NHSL1: variants seen among roughly 807,000 people sequenced by gnomAD.
NHSL1 encodes NHS-like protein 1.
NHSL1 carries 48 observed loss-of-function variants against 95.0 expected under a neutral mutation model. That is an observed-to-expected ratio of 0.51 (90% confidence interval 0.40 to 0.64). NHSL1 has a LOEUF of 0.64. Ranked by LOEUF, NHSL1 falls within the 30% of genes least tolerant of loss-of-function variation. The pLI is 0.00. For synonymous variants in NHSL1, 783 were observed against 833.9 expected, an observed-to-expected ratio of 0.94 and a Z score of 1.05; for missense variants, 1,971 against 2,077.7, an observed-to-expected ratio of 0.95 and a Z score of 1.00.
chr6:138,578,779 A>G lies in NHSL1; in HGVS notation c.97-82408T>C, dbSNP rs553917658. Among the ~76,000 whole-genome samples, 4 of 152,198 alleles carry G rather than the reference A, an allele frequency of 2.6e-5. No individual in the cohort carries two copies. In the South Asian group the frequency reaches 8.3e-4, roughly 32 times the overall value. ...GCAGAGTGTGATTCAGGTCTGGGGA[A>G]GGGACTGCAATTCTGAACTCCTAGA... is the stretch of plus-strand genomic sequence containing the variant. On this transcript the variant is annotated intron_variant, in intron 1 of 3. Transcript: ENST00000491526.
intron 1 of NHSL1, among the ~76,000 whole-genome samples, chr6:138,560,688 C>T (rs755111811): frequency 7.9e-5 from 12 of 152,184 alleles, no homozygotes; most frequent in African/African-American, 1.2e-4. Context: ...CACAACCACC[C>T]ACAAGGTAAA....
At position 138,457,712 on chromosome 6, in the gene NHSL1, C is replaced by T. The variant is rs1583212369; in HGVS notation, c.340-10519G>A. Among the ~76,000 whole-genome samples, 5 of 152,218 alleles carry T rather than the reference C, an allele frequency of 3.3e-5. No homozygotes were observed. The East Asian group carries it at 9.6e-4, about 29-fold the overall frequency. On this transcript the variant is annotated intron_variant, in intron 3 of 7. Transcript: ENST00000343505. ...ATACAAAATAAAAGGTTTTCCAGAT[C>T]GAATTTCCCTTCCAAATTGACTCCT...
intron 1 of NHSL1, among the ~76,000 whole-genome samples, chr6:138,623,731 GT>G (rs139263521): frequency 0.022 from 3,277 of 152,240 alleles, 36 homozygotes; most frequent in Middle Eastern, 0.065. Context: ...AGGTGATATA[GT>G]TTGGCTGTGT....
At chr6:138,666,623 A>C (rs1187914673) in intron 1 of NHSL1, among the ~76,000 whole-genome samples, 1 of 151,936 alleles carries the variant, frequency 6.6e-6, no homozygotes, top group Non-Finnish European at 1.5e-5. Flanking sequence ...AAGATGTGAC[A>C]AATCTGTATG....
chr6:138,535,867 T>C (rs1782319908), intron 1 of NHSL1, among the ~76,000 whole-genome samples: 1 of 152,194 alleles, frequency 6.6e-6, no homozygotes, highest in Non-Finnish European at 1.5e-5. Flanking sequence ...TTTCATTGTG[T>C]GGTGAGGATC....
chr6:138,525,168 A>C (rs1354431367), intron 1 of NHSL1, among the ~76,000 whole-genome samples: 1 of 152,082 alleles, frequency 6.6e-6, no homozygotes, highest in Non-Finnish European at 1.5e-5. Context: ...GTTGAGCTCT[A>C]AGTTCGATTC....
intron 1 of NHSL1, among the ~76,000 whole-genome samples, chr6:138,677,137 A>C (rs2114776759): frequency 6.6e-6 from 1 of 152,334 alleles, no homozygotes; most frequent in South Asian, 2.1e-4. Flanking sequence ...CTACTCAGTA[A>C]GTTTTGTGCT....
chr6:138,654,236 T>C (rs1259001252), intron 1 of NHSL1, among the ~76,000 whole-genome samples: 1 of 152,196 alleles, frequency 6.6e-6, no homozygotes, highest in Non-Finnish European at 1.5e-5. Flanking sequence ...AAAATGGAAA[T>C]TTAAACAAGA....
chr6:138,685,067 G>A (rs1014957001), intron 1 of NHSL1, among the ~76,000 whole-genome samples: 14 of 151,994 alleles, frequency 9.2e-5, no homozygotes, highest in African/African-American at 3.4e-4. Context: ...TTTTGTTTCT[G>A]AATTTTCTCC....
chr6:138,529,525 G>C (rs1266232990), intron 1 of NHSL1, among the ~76,000 whole-genome samples: 1 of 152,204 alleles, frequency 6.6e-6, no homozygotes, highest in East Asian at 1.9e-4. Context: ...AGTTCTGCAG[G>C]TTAGCAGTCC....
intron 2 of NHSL1, among the ~76,000 whole-genome samples, chr6:138,473,940 T>C (rs958207795): frequency 2.0e-5 from 3 of 152,202 alleles, no homozygotes; most frequent in African/African-American, 7.2e-5. Context: ...TCATTTTATA[T>C]TAATTTTCTC....
chr6:138,527,685 G>T (rs891340950), intron 1 of NHSL1, among the ~76,000 whole-genome samples: 1 of 152,138 alleles, frequency 6.6e-6, no homozygotes, highest in Non-Finnish European at 1.5e-5. Context: ...AGGCTCCAGC[G>T]TGACAAATAC....
chr6:138,542,291 G>C (rs563412189), intron 1 of NHSL1, among the ~76,000 whole-genome samples: 13 of 152,178 alleles, frequency 8.5e-5, no homozygotes, highest in Non-Finnish European at 1.8e-4. Flanking sequence ...AGGGAGCACG[G>C]CCCTGCCAAC....
intron 1 of NHSL1, among the ~76,000 whole-genome samples, chr6:138,611,815 A>G (rs1308421936): frequency 6.6e-6 from 1 of 151,916 alleles, no homozygotes; most frequent in East Asian, 1.9e-4. Context: ...TGCGACACTA[A>G]AAAATATGTT....
At chr6:138,648,435 C>T (rs907111637) in intron 1 of NHSL1, among the ~76,000 whole-genome samples, 1 of 151,902 alleles carries the variant, frequency 6.6e-6, no homozygotes, top group Non-Finnish European at 1.5e-5. Context: ...TTCTGCTCAC[C>T]TCCCCAGCCA....
chr6:138,455,035 C>G (rs1370407298), intron 3 of NHSL1, among the ~76,000 whole-genome samples: 1 of 152,180 alleles, frequency 6.6e-6, no homozygotes, highest in Non-Finnish European at 1.5e-5. Flanking sequence ...TGGAATGGGT[C>G]ATTGGAGACA....
At chr6:138,536,854 C>CT (rs1308358696) in intron 1 of NHSL1, among the ~76,000 whole-genome samples, 1 of 152,054 alleles carries the variant, frequency 6.6e-6, no homozygotes, top group East Asian at 1.9e-4. Context: ...AATTTACTGA[C>CT]TGACAATTCA....
rs1006089678 is a variant in NHSL1 at position 138,496,142 on chromosome 6, T to C, written c.211+77A>G. The C allele has an allele frequency of 1.3e-5, 18 of 1,435,422 alleles. No individual in the cohort carries two copies. The African/African-American group carries it at 2.0e-4, about 16-fold the overall frequency. The allele number at this position is 1,435,422 out of a possible 1,614,324, so 88.9% of individuals were successfully genotyped here. On this transcript the variant is annotated intron_variant, in intron 2 of 7. Coordinates refer to ENST00000343505, the MANE Select transcript of NHSL1 (RefSeq NM_001144060.2). ...ACATTCAATAAAAGTAGAGCTGGTT[T>C]TATAAATAGATATCAAATTTATGCT...
intron 1 of NHSL1, among the ~76,000 whole-genome samples, chr6:138,497,442 T>C (rs913991367): frequency 6.6e-6 from 1 of 152,198 alleles, no homozygotes; most frequent in Non-Finnish European, 1.5e-5. Flanking sequence ...CTCTGATCTA[T>C]GCTATAGAGT....
Sources: allele counts gnomAD v4.1 joint callset (sites outside exome capture counted in the v4.1 genomes callset), GRCh38; gene constraint gnomAD v4.1.1; transcripts MANE v1.5; gene names NCBI Gene and HGNC (gene_info 2026-07-23, HGNC 2026-07-21).